The following BLOC1S5 variants were observed in gnomAD, a reference collection of about 807,000 sequenced individuals.
BLOC1S5 encodes the protein biogenesis of lysosome-related organelles complex 1 subunit 5.
In BLOC1S5, 27 loss-of-function variants were observed where a neutral mutation model predicts 24.3. The observed-to-expected ratio is 1.11, with a 90% CI of 0.82 to 1.53. The LOEUF (loss-of-function observed/expected upper bound fraction) is 1.53. BLOC1S5 is among the 40% of genes most tolerant of loss of function. BLOC1S5 has a pLI of 0.00. For missense variants in BLOC1S5, 239 were observed against 229.4 expected, an observed-to-expected ratio of 1.04 and a Z score of -0.27; for synonymous variants, 84 against 74.5, an observed-to-expected ratio of 1.13 and a Z score of -0.66.
rs1004306260 is a variant in BLOC1S5, at chr6:8,021,906, T to C, written c.384+4461A>G. Among the ~76,000 whole-genome samples, 32 of 152,190 alleles carry C rather than the reference T, an allele frequency of 2.1e-4. 1 individual carries two copies. The highest frequency in any genetic ancestry group is 1.8e-3 in the Admixed American group (27 of 15,270). ...ACATACCAAAAGTAATGAACTATAA[T>C]GGTGTTATCTCTTTCTACTTAGTAA... On this transcript the variant is annotated intron_variant, in intron 4 of 4. Transcript: ENST00000397457.
intron 4 of BLOC1S5, among the ~76,000 whole-genome samples, chr6:8,021,564 A>G (rs1467974640): frequency 6.6e-6 from 1 of 152,096 alleles, no homozygotes; most frequent in Non-Finnish European, 1.5e-5. Context: ...GCACCACTGC[A>G]CTCCACCCTG....
intron 2 of BLOC1S5, among the ~76,000 whole-genome samples, chr6:8,047,001 CTCA>C (rs746268788): frequency 1.3e-5 from 2 of 151,932 alleles, no homozygotes; most frequent in Non-Finnish European, 2.9e-5. Flanking sequence ...CCAGGCTGGC[CTCA>C]AACTCCTGAG....
At chr6:8,026,257 A>G (rs980045524) in intron 4 of BLOC1S5, 110 bp downstream of exon 4, 2 of 805,914 alleles carry the variant, frequency 2.5e-6, no homozygotes, top group Non-Finnish European at 4.0e-6. Context: ...CCATTTTAAA[A>G]TATGTAAAAC....
intron 2 of BLOC1S5, among the ~76,000 whole-genome samples, chr6:8,050,430 A>G (rs1222127097): frequency 1.3e-5 from 2 of 152,076 alleles, no homozygotes; most frequent in East Asian, 3.9e-4. Flanking sequence ...CCAATTAATA[A>G]CCCCACATGG....
chr6:8,034,952 T>C (rs1366692831), intron 3 of BLOC1S5, among the ~76,000 whole-genome samples: 1 of 149,558 alleles, frequency 6.7e-6, no homozygotes, highest in East Asian at 1.9e-4. Context: ...TATACACATA[T>C]GCATACACAC....
Position 8,015,447 on chromosome 6 carries a change from A to G in BLOC1S5, c.*202T>C, listed in dbSNP as rs1037922766. 1 of 522,948 alleles carries G rather than the reference A, an allele frequency of 1.9e-6. No individual in the cohort carries two copies. The highest frequency in any genetic ancestry group is 3.6e-5 in the Admixed American group (1 of 27,472). The allele number at this position is 522,948 out of a possible 1,614,324, so 32.4% of individuals were successfully genotyped here. A position where few individuals can be genotyped will look rare whatever the true frequency, so the allele number is the denominator to read the frequency against. On this transcript the variant is annotated 3_prime_UTR_variant, in exon 5 of 5. Coordinates refer to ENST00000397457, the MANE Select transcript of BLOC1S5 (RefSeq NM_201280.3). The stretch of plus-strand genomic sequence containing the variant: ...CCTCTTCATTCAAATAATCATATAT[A>G]GGCACTTAAAGCTGGAAAAATGTGG...
chr6:8,030,864 T>TAAAAAAAA (rs1763271641), intron 3 of BLOC1S5, among the ~76,000 whole-genome samples: 1 of 46,348 alleles, frequency 2.2e-5, no homozygotes, highest in South Asian at 1.4e-3. Flanking sequence ...AGACCAACAG[T>TAAAAAAAA]CAAAAAAAAA....
rs970445067 is a variant in BLOC1S5, at chr6:8,014,973, A to G, written c.*676T>C. 1.3e-5 allele frequency: 2 copies of G among 152,708 alleles called. No homozygotes were observed. Among genetic ancestry groups the G allele is most frequent in the Non-Finnish European group, 2.9e-5 (2 of 68,048 alleles). The allele number at this position is 152,708 out of a possible 1,614,324, so 9.5% of individuals were successfully genotyped here. On this transcript the variant is annotated 3_prime_UTR_variant, in exon 5 of 5. Transcript: ENST00000397457. ...CTAAGCATGCTTTAAAAAGCTGAAAATAGTAAGTGCTGGAAGGCCACAAAA... is the reference window on the plus strand; with the variant it reads ...CTAAGCATGCTTTAAAAAGCTGAAAGTAGTAAGTGCTGGAAGGCCACAAAA...
At chr6:8,057,099 A>G (rs1288557949) in intron 2 of BLOC1S5, among the ~76,000 whole-genome samples, 7 of 152,144 alleles carry the variant, frequency 4.6e-5, no homozygotes, top group Non-Finnish European at 1.0e-4. Context: ...TATGCCTGTA[A>G]TCCCAGCTAC....
In BLOC1S5 at chr6:8,013,872, T is replaced by G. The variant is rs1450067665; in HGVS notation, c.*1777A>C. ...CATGCCTTGGTGTCAGCAAGTGCGC[T>G]TTTTAGTCCAGGTACCAGCAAATGA... On this transcript the variant is annotated 3_prime_UTR_variant, in exon 5 of 5. Coordinates refer to ENST00000397457, the MANE Select transcript of BLOC1S5 (RefSeq NM_201280.3). The G allele has an allele frequency of 6.6e-6, 1 of 152,224 alleles. No homozygotes were observed. The highest frequency in any genetic ancestry group is 1.5e-5 in the Non-Finnish European group (1 of 68,038). 9.4% of individuals were successfully genotyped at this position (152,224 alleles called of 1,614,324 possible). A position where few individuals can be genotyped will look rare whatever the true frequency, so the allele number is the denominator to read the frequency against.
intron 4 of BLOC1S5, 22 bp downstream of exon 4, chr6:8,026,345 C>T: frequency 6.4e-7 from 1 of 1,563,362 alleles, no homozygotes; most frequent in Non-Finnish European, 8.8e-7. Context: ...TTATATGCCT[C>T]ATTATCTAAA....
Position 8,062,559 on chromosome 6 carries a change from G to A in BLOC1S5, c.170C>T (p.Thr57Ile), listed in dbSNP as rs748667570. The A allele has an allele frequency of 1.9e-5, 31 of 1,596,716 alleles. No homozygotes were observed. The South Asian group carries it at 3.3e-4, about 17-fold the overall frequency. ...TTCAAATTCTTTTACAAAATAACGA[G>A]TTTCACCTTGAATAACTGGTCTGTG... Reference protein sequence around the residue: ...LDHRPVIQGETRYFVKEFEEK... With the variant: ...LDHRPVIQGEIRYFVKEFEEK... The change falls in exon 2 of 5, where the codon ACT (threonine) becomes ATT (isoleucine). Residue 57 changes from threonine (T) to isoleucine (I), a missense_variant. Thr to Ile is a moderately conservative substitution (Grantham distance 89). Coordinates refer to ENST00000397457, the MANE Select transcript of BLOC1S5 (RefSeq NM_201280.3).
intron 3 of BLOC1S5, among the ~76,000 whole-genome samples, chr6:8,033,424 T>C (rs1406727514): frequency 3.3e-5 from 5 of 152,174 alleles, no homozygotes; most frequent in Admixed American, 3.3e-4. Context: ...TGGCTAGCCA[T>C]ATGTAGGAAG....
intron 3 of BLOC1S5, among the ~76,000 whole-genome samples, chr6:8,033,985 G>A (rs1174574555): frequency 4.6e-5 from 7 of 152,204 alleles, no homozygotes; most frequent in African/African-American, 1.7e-4. Flanking sequence ...AACAACAGAC[G>A]CTGGAAAGGA....
intron 3 of BLOC1S5, among the ~76,000 whole-genome samples, chr6:8,036,396 C>T (rs1763490277): frequency 6.6e-6 from 1 of 152,086 alleles, no homozygotes; most frequent in African/African-American, 2.4e-5. Context: ...CTATTATCAA[C>T]AACTATACGC....
At chr6:8,030,927 C>T (rs1763275575) in intron 3 of BLOC1S5, among the ~76,000 whole-genome samples, 1 of 150,372 alleles carries the variant, frequency 6.7e-6, no homozygotes, top group African/African-American at 2.5e-5. Context: ...CAAAATCCAG[C>T]ATCACTTTAT....
intron 2 of BLOC1S5, among the ~76,000 whole-genome samples, chr6:8,044,088 C>T (rs1294480253): frequency 6.6e-6 from 1 of 152,054 alleles, no homozygotes; most frequent in Non-Finnish European, 1.5e-5. Context: ...TTGAGACAAG[C>T]CTGGCCAACA....
chr6:8,054,463 G>T, intron 2 of BLOC1S5: 1 of 290,820 alleles, frequency 3.4e-6, no homozygotes, highest in Non-Finnish European at 6.7e-6. Context: ...ATTCTGTTGT[G>T]TAACAGATTC....
chr6:8,064,278 G>A lies in BLOC1S5; in HGVS notation c.99C>T (p.His33=). The A allele has an allele frequency of 1.2e-6, 2 of 1,613,612 alleles. No homozygotes were observed. Among genetic ancestry groups the A allele is most frequent in the Non-Finnish European group, 1.7e-6 (2 of 1,179,728 alleles). The part of the protein sequence containing the change: ...RDSLGTAGSA[H]LIIKDLGEIH... ...GACACTCCGTACCCTTGATAATGAGGTGCGCTGAGCCCGCAGTCCCCAGGG... is the reference window on the plus strand; with the variant it reads ...GACACTCCGTACCCTTGATAATGAGATGCGCTGAGCCCGCAGTCCCCAGGG... The change falls in exon 1 of 5, where the codon CAC becomes CAT. Residue 33 remains histidine (H), a synonymous_variant. Coordinates refer to ENST00000397457, the MANE Select transcript of BLOC1S5 (RefSeq NM_201280.3).
Sources: gnomAD v4.1 joint callset for allele counts (sites outside exome capture counted in the v4.1 genomes callset) on GRCh38, gnomAD v4.1.1 for gene constraint, MANE v1.5 for transcripts, NCBI Gene and HGNC (gene_info 2026-07-23, HGNC 2026-07-21) for gene names.